The following TAS1R1 variants were observed in gnomAD, a reference collection of about 807,000 sequenced individuals.
TAS1R1 encodes the protein taste receptor type 1 member 1.
Under a neutral mutation model 45.8 loss-of-function variants are expected in TAS1R1, and 31 were observed. That is an observed-to-expected ratio of 0.68 (90% CI 0.51 to 0.91). The LOEUF (loss-of-function observed/expected upper bound fraction) is 0.91, where lower values mean the gene tolerates loss of function less well. TAS1R1 is among the 40% of genes least tolerant of loss of function. TAS1R1 has a pLI of 0.00. For missense variants in TAS1R1, 1,051 were observed against 1,063.9 expected (o/e 0.99, Z 0.17); for synonymous variants, 437 against 448.4 (o/e 0.97, Z 0.32).
intron 1 of TAS1R1, among the ~76,000 whole-genome samples, chr1:6,569,462 G>T (rs1315091714): frequency 6.6e-6 from 1 of 152,190 alleles, no homozygotes. Flanking sequence ...GGGAGCTATT[G>T]TCTAACCTGT....
At chr1:6,560,525 A>C (rs1276396476) in intron 1 of TAS1R1, among the ~76,000 whole-genome samples, 1 of 152,056 alleles carries the variant, frequency 6.6e-6, no homozygotes, top group Non-Finnish European at 1.5e-5. Flanking sequence ...GCCTTGGCGG[A>C]GGGCCTGCAG....
At chr1:6,558,624 G>A (rs888563358) in intron 1 of TAS1R1, among the ~76,000 whole-genome samples, 6 of 152,094 alleles carry the variant, frequency 3.9e-5, no homozygotes, top group African/African-American at 1.4e-4. Context: ...GGAGGCTGAG[G>A]CACAAGAATC....
At chr1:6,577,207 G>A (rs1332323321) in intron 5 of TAS1R1, 137 bp downstream of exon 5, 2 of 1,299,226 alleles carry the variant, frequency 1.5e-6, no homozygotes, top group East Asian at 2.5e-5. Context: ...GCTTCAGGTT[G>A]GAGGACACCT....
intron 1 of TAS1R1, among the ~76,000 whole-genome samples, chr1:6,563,546 C>T (rs1250088303): frequency 6.6e-6 from 1 of 152,098 alleles, no homozygotes; most frequent in African/African-American, 2.4e-5. Flanking sequence ...GACAGTTTAA[C>T]TTAGTAAGAA....
rs758304175 is a variant in TAS1R1, at chr1:6,578,709, AC to A, written c.1653del (p.Cys552AlafsTer41). The A allele has an allele frequency of 6.2e-7, 1 of 1,609,090 alleles. No homozygotes were observed. Among genetic ancestry groups the A allele is most frequent in the Non-Finnish European group, 8.5e-7 (1 of 1,176,750 alleles). ...KEEWAPEGSQ[T>X]CFPRTVVFLA... Reference sequence around the variant, plus strand: ...AGAGTGGGCACCTGAGGGAAGCCAGACCTGCTTCCCGCGCACTGTGGTGTTT... The same window carrying A: ...AGAGTGGGCACCTGAGGGAAGCCAGACTGCTTCCCGCGCACTGTGGTGTTT... On this transcript the variant is annotated frameshift_variant, in exon 6 of 6. Transcript: ENST00000333172. LOFTEE classifies it low-confidence loss of function (END_TRUNC).
At chr1:6,577,174 C>A in intron 5 of TAS1R1, 104 bp downstream of exon 5, 1 of 1,507,236 alleles carries the variant, frequency 6.6e-7, no homozygotes. Context: ...AGAACCAAGG[C>A]CCAGTCACTG....
intron 1 of TAS1R1, among the ~76,000 whole-genome samples, chr1:6,557,999 G>C (rs772961605): frequency 6.6e-6 from 1 of 151,804 alleles, no homozygotes; most frequent in Non-Finnish European, 1.5e-5. Context: ...CTGGTGAGAA[G>C]CACTAATTAA....
intron 1 of TAS1R1, among the ~76,000 whole-genome samples, chr1:6,560,122 C>T (rs1380452195): frequency 1.3e-5 from 2 of 151,850 alleles, no homozygotes; most frequent in Non-Finnish European, 2.9e-5. Context: ...CATGGAGAAA[C>T]CCCCCTCTCT....
chr1:6,574,029 G>C lies in TAS1R1; in HGVS notation c.499-602G>C, dbSNP rs1311256498. ...AATGTAGAATCAGTGGGAGCCCTGA[G>C]CTTGTTTTCCTACAACTAGATGGTC... On this transcript the variant is annotated intron_variant, in intron 2 of 5. Coordinates refer to ENST00000333172, the MANE Select transcript of TAS1R1 (RefSeq NM_138697.4). This position sits in a 1 kb window ranked among gnomAD's most constrained non-coding sequence, Gnocchi z 4.3. Among the ~76,000 whole-genome samples, 1 of 152,132 alleles carries C rather than the reference G, an allele frequency of 6.6e-6. No homozygotes were observed. The highest frequency in any genetic ancestry group is 1.5e-5 in the Non-Finnish European group (1 of 68,036).
chr1:6,563,889 AG>A (rs1639830617), intron 1 of TAS1R1, among the ~76,000 whole-genome samples: 1 of 152,180 alleles, frequency 6.6e-6, no homozygotes, highest in Non-Finnish European at 1.5e-5. Flanking sequence ...GGCTGAAACC[AG>A]GAGATGTCTT....
chr1:6,565,143 A>G (rs756685406), intron 1 of TAS1R1, among the ~76,000 whole-genome samples: 3 of 152,144 alleles, frequency 2.0e-5, no homozygotes. Flanking sequence ...ATTAGACTGC[A>G]GGTGATTAAG....
chr1:6,560,342 A>G (rs1639760801), intron 1 of TAS1R1, among the ~76,000 whole-genome samples: 2 of 152,352 alleles, frequency 1.3e-5, no homozygotes, highest in Admixed American at 1.3e-4. Flanking sequence ...AAAGTCAGGC[A>G]AGCGTTTAGT....
chr1:6,569,208 T>G (rs1051144392), intron 1 of TAS1R1, among the ~76,000 whole-genome samples: 1 of 151,350 alleles, frequency 6.6e-6, no homozygotes, highest in South Asian at 2.1e-4. Flanking sequence ...ATGGGGAAAA[T>G]TGGCGAGGTT....
chr1:6,575,152 C>T lies in TAS1R1; in HGVS notation c.1020C>T (p.Ala340=). The T allele has an allele frequency of 6.3e-7, 1 of 1,591,548 alleles. No homozygotes were observed. Among genetic ancestry groups the T allele is most frequent in the South Asian group, 1.1e-5 (1 of 87,230 alleles). Reference sequence around the variant, plus strand: ...CTGGCCTGAAGGCGTTTGAAGAAGCCTATGCCCGGGCAGACAAGAAGGCCC... The same window carrying T: ...CTGGCCTGAAGGCGTTTGAAGAAGCTTATGCCCGGGCAGACAAGAAGGCCC... ...AVPGLKAFEE[A]YARADKKAPR... is the part of the protein sequence containing the mutation. Residue 340 remains alanine, a synonymous_variant, in exon 3 of 6, where the codon GCC becomes GCT. Coordinates refer to ENST00000333172, the MANE Select transcript of TAS1R1 (RefSeq NM_138697.4).
At position 6,555,510 on chromosome 1, in the gene TAS1R1, T is replaced by G; in HGVS notation, c.137T>G (p.Leu46Arg). The change falls in exon 1 of 6, where the codon CTC (leucine) becomes CGC (arginine). Residue 46 changes from leucine (L) to arginine (R), a missense_variant. Transcript: ENST00000333172. ...GDYLLAGLFP[L>R]HSGCLQVRHR... The stretch of plus-strand genomic sequence containing the variant: ...TACCTCCTGGCAGGCCTGTTCCCTC[T>G]CCATTCTGGCTGTCTGCAGGTGAGG... 6.4e-7 allele frequency: 1 copy of G among 1,562,756 alleles called. No individual in the cohort carries two copies. Among genetic ancestry groups the G allele is most frequent in the Middle Eastern group, 1.7e-4 (1 of 6,012 alleles).
intron 2 of TAS1R1, among the ~76,000 whole-genome samples, chr1:6,572,289 GAC>G (rs1640039209): frequency 8.9e-6 from 1 of 112,524 alleles, no homozygotes; most frequent in Non-Finnish European, 1.8e-5. Context: ...TTTTTTTTGA[GAC>G]ACAGTCTCAC....
intron 1 of TAS1R1, among the ~76,000 whole-genome samples, chr1:6,555,997 G>A (rs1220686666): frequency 1.4e-5 from 2 of 147,818 alleles, no homozygotes; most frequent in African/African-American, 2.5e-5. Context: ...TCAGCCTCCC[G>A]AGTAGCTGGG....
chr1:6,565,279 T>C (rs182496576), intron 1 of TAS1R1, among the ~76,000 whole-genome samples: 3 of 151,832 alleles, frequency 2.0e-5, no homozygotes, highest in African/African-American at 7.2e-5. Context: ...AGTGGTTGGA[T>C]GCGGGATGGA....
At position 6,577,031 on chromosome 1, in the gene TAS1R1, T is replaced by C. The variant is rs761528850; in HGVS notation, c.1555T>C (p.Cys519Arg). Residue 519 changes from cysteine to arginine, a missense_variant, in exon 5 of 6, where the codon TGT becomes CGT. By Grantham distance (180) the Cys-to-Arg change is radical. Coordinates refer to ENST00000333172, the MANE Select transcript of TAS1R1 (RefSeq NM_138697.4). Reference protein sequence around the residue: ...VTGFHHCCFECVPCGAGTFLN... With the variant: ...VTGFHHCCFERVPCGAGTFLN... ...GGGTTTCCATCACTGCTGCTTTGAG[T>C]GTGTGCCCTGTGGGGCTGGGACCTT... 2 of 1,614,158 alleles carry C rather than the reference T, an allele frequency of 1.2e-6. No individual in the cohort carries two copies. Among genetic ancestry groups the C allele is most frequent in the Middle Eastern group, 1.6e-4 (1 of 6,062 alleles).
Sources: allele counts gnomAD v4.1 joint callset (sites outside exome capture counted in the v4.1 genomes callset), GRCh38; gene constraint gnomAD v4.1.1; non-coding constraint Gnocchi (gnomAD v3.1); transcripts MANE v1.5; gene names NCBI Gene and HGNC (gene_info 2026-07-23, HGNC 2026-07-21).